The following LARGE1 variants were observed in gnomAD, a reference collection of about 807,000 sequenced individuals.
LARGE1 encodes xylosyl- and glucuronyltransferase LARGE1.
A neutral mutation model predicts 87.6 loss-of-function variants in LARGE1; 43 were observed. The ratio of observed to expected loss-of-function variants is 0.49; its 90% CI spans 0.38 to 0.63. The LOEUF (loss-of-function observed/expected upper bound fraction) is 0.63, where lower values mean the gene tolerates loss of function less well. Ranked by LOEUF, LARGE1 falls within the 30% of genes least tolerant of loss-of-function variation. The probability of loss-of-function intolerance (pLI) is 0.00; values close to 1 mark genes in which losing one functional copy is unlikely to be tolerated. For synonymous variants in LARGE1, 434 were observed against 394.6 expected (o/e 1.10, Z -1.18); for missense variants, 802 against 1,000.2 (o/e 0.80, Z 2.67).
chr22:33,600,727 C>T (rs988344535), intron 5 of LARGE1, among the ~76,000 whole-genome samples: 9 of 152,128 alleles, frequency 5.9e-5, no homozygotes, highest in African/African-American at 1.9e-4. Flanking sequence ...GAGCCAGCGT[C>T]CGCAGAGAGA....
chr22:33,604,654 C>T, intron 4 of LARGE1, 96 bp from the exon 5 acceptor site: 2 of 1,491,826 alleles, frequency 1.3e-6, no homozygotes, highest in Admixed American at 1.7e-5. Context: ...TACGGTGGGG[C>T]ACGTTTCTAA....
At chr22:33,629,291 C>A (rs976910208) in intron 3 of LARGE1, among the ~76,000 whole-genome samples, 9 of 152,146 alleles carry the variant, frequency 5.9e-5, no homozygotes, top group Non-Finnish European at 1.3e-4. Context: ...GAATCAGGCT[C>A]TTCAGAATCG....
intron 10 of LARGE1, among the ~76,000 whole-genome samples, chr22:33,319,931 T>A (rs16992130): frequency 0.048 from 7,379 of 152,260 alleles, 323 homozygotes; most frequent in African/African-American, 0.13. Flanking sequence ...GGAAACTGGC[T>A]GAGATCCAAT....
intron 7 of LARGE1, among the ~76,000 whole-genome samples, chr22:33,402,467 C>A (rs552450140): frequency 6.6e-6 from 1 of 152,264 alleles, no homozygotes; most frequent in African/African-American, 2.4e-5. Context: ...AGTCACCTCC[C>A]CAGTGCACAC....
At chr22:33,695,746 G>C (rs2082224152) in intron 2 of LARGE1, among the ~76,000 whole-genome samples, 1 of 152,042 alleles carries the variant, frequency 6.6e-6, no homozygotes, top group South Asian at 2.1e-4. Context: ...CGCCTTCATG[G>C]TAAAAGTTAC....
chr22:33,432,765 T>C (rs2067126322), intron 6 of LARGE1, among the ~76,000 whole-genome samples: 1 of 152,246 alleles, frequency 6.6e-6, no homozygotes, highest in Non-Finnish European at 1.5e-5. Context: ...GGGATTACCC[T>C]TGTTTGCTGA....
intron 11 of LARGE1, among the ~76,000 whole-genome samples, chr22:33,205,044 A>G (rs1015575383): frequency 6.6e-6 from 1 of 152,014 alleles, no homozygotes; most frequent in Non-Finnish European, 1.5e-5. Flanking sequence ...TTGAAAAAAA[A>G]TAGCTTTACC....
chr22:33,765,846 T>C lies in LARGE1; in HGVS notation c.-82-4288A>G, dbSNP rs564356680. ...AAACTCTTTAATAAGATACTTACTT[T>C]CCTCTTTTCCTCTCTCCATCTGCAG... On this transcript the variant is annotated intron_variant, in intron 1 of 14. Transcript: ENST00000397394. 5.3e-5 allele frequency among the ~76,000 whole-genome samples: 8 copies of C among 152,274 alleles called. No individual in the cohort carries two copies. In the South Asian group the frequency reaches 1.7e-3, roughly 32 times the overall value.
chr22:33,731,132 A>G (rs2083452807), intron 2 of LARGE1, among the ~76,000 whole-genome samples: 1 of 151,256 alleles, frequency 6.6e-6, no homozygotes, highest in Admixed American at 6.6e-5. Context: ...CCTTCCCAGT[A>G]GCTGGGACTA....
chr22:33,276,930 A>G (rs1929420940), intron 14 of LARGE1, 130 bp downstream of exon 14: 4 of 891,716 alleles, frequency 4.5e-6, no homozygotes, highest in Non-Finnish European at 7.3e-6. Flanking sequence ...GATCAGTACT[A>G]CCACTGGTCC....
chr22:33,096,720 G>A, the LARGE1 span, among the ~76,000 whole-genome samples: 1 of 151,942 alleles, frequency 6.6e-6, no homozygotes, highest in Non-Finnish European at 1.5e-5. Flanking sequence ...GCCCGCCACT[G>A]CGCCCGGCTA....
At chr22:33,536,794 GC>G (rs200052176) in intron 6 of LARGE1, among the ~76,000 whole-genome samples, 1,890 of 152,082 alleles carry the variant, frequency 0.012, 39 homozygotes, top group African/African-American at 0.043. Flanking sequence ...AAGTTGAAAG[GC>G]CATTTATTTT....
intron 3 of LARGE1, among the ~76,000 whole-genome samples, chr22:33,636,237 G>A (rs1473937720): frequency 6.6e-6 from 1 of 152,148 alleles, no homozygotes; most frequent in African/African-American, 2.4e-5. Flanking sequence ...CATATCTGGG[G>A]TAGGTGGGTT....
intron 11 of LARGE1, among the ~76,000 whole-genome samples, chr22:33,178,970 G>A (rs1923021739): frequency 6.6e-6 from 1 of 152,180 alleles, no homozygotes; most frequent in Admixed American, 6.6e-5. Flanking sequence ...ACCAGCATCT[G>A]GTGAGGACCT....
chr22:33,220,020 A>G (rs565315259), intron 11 of LARGE1, among the ~76,000 whole-genome samples: 1 of 152,340 alleles, frequency 6.6e-6, no homozygotes, highest in Non-Finnish European at 1.5e-5. Context: ...TCTAACCTTG[A>G]TTTTTGTTGT....
At chr22:33,662,559 C>G (rs1487107618) in intron 2 of LARGE1, among the ~76,000 whole-genome samples, 1 of 152,132 alleles carries the variant, frequency 6.6e-6, no homozygotes, top group Non-Finnish European at 1.5e-5. Flanking sequence ...CTGCAGTGTT[C>G]ACTCTTCGAT....
At chr22:33,495,296 C>T (rs963571733) in intron 6 of LARGE1, among the ~76,000 whole-genome samples, 17 of 152,160 alleles carry the variant, frequency 1.1e-4, no homozygotes, top group African/African-American at 3.6e-4. Flanking sequence ...TAGCACTGAC[C>T]GCTATCTGAA....
chr22:33,562,725 C>T (rs1360800700), intron 6 of LARGE1, among the ~76,000 whole-genome samples: 1 of 152,194 alleles, frequency 6.6e-6, no homozygotes, highest in Non-Finnish European at 1.5e-5. Context: ...TTATTGGCTA[C>T]AGAGCGCCAC....
intron 3 of LARGE1, among the ~76,000 whole-genome samples, chr22:33,630,919 C>A (rs2080089572): frequency 6.6e-6 from 1 of 150,894 alleles, no homozygotes; most frequent in Admixed American, 6.6e-5. Context: ...GTGATGTGAT[C>A]TCGGCTTACT....
Sources: gnomAD v4.1 joint callset for allele counts (sites outside exome capture counted in the v4.1 genomes callset) on GRCh38, gnomAD v4.1.1 for gene constraint, MANE v1.5 for transcripts, NCBI Gene and HGNC (gene_info 2026-07-23, HGNC 2026-07-21) for gene names.